Variants in OCIAD2 observed in about 807,000 individuals in gnomAD.
OCIAD2 encodes the protein OCIA domain containing 2, also known as OCIA domain-containing protein 2.
A neutral mutation model predicts 22.9 loss-of-function variants in OCIAD2; 29 were observed. That is an observed-to-expected ratio of 1.27 (90% CI 0.94 to 1.73). The LOEUF (loss-of-function observed/expected upper bound fraction) is 1.73, where lower values mean the gene tolerates loss of function less well. OCIAD2 is among the 40% of genes most tolerant of loss of function. The probability of loss-of-function intolerance (pLI) is 0.00; values close to 1 mark genes in which losing one functional copy is unlikely to be tolerated. For synonymous variants in OCIAD2, 67 were observed against 60.2 expected, an observed-to-expected ratio of 1.11 and a Z score of -0.52; for missense variants, 189 against 180.3, an observed-to-expected ratio of 1.05 and a Z score of -0.28.
intron 2 of OCIAD2, among the ~76,000 whole-genome samples, chr4:48,901,374 C>T (rs1192816931): frequency 3.9e-5 from 6 of 151,998 alleles, no homozygotes; most frequent in Admixed American, 6.6e-5. Context: ...CTTGCTAGAC[C>T]GCTCTCAATT....
chr4:48,892,157 A>C (rs1316621607), intron 6 of OCIAD2, among the ~76,000 whole-genome samples: 3 of 152,252 alleles, frequency 2.0e-5, no homozygotes, highest in African/African-American at 7.2e-5. Context: ...CTATAGTAGA[A>C]ATAGCTAATG....
intron 2 of OCIAD2, among the ~76,000 whole-genome samples, chr4:48,900,441 T>G (rs913537721): frequency 6.6e-6 from 1 of 152,174 alleles, no homozygotes; most frequent in African/African-American, 2.4e-5. Flanking sequence ...CTTTTTATTA[T>G]TTGACATAGT....
At chr4:48,893,678 T>A (rs1231657376) in intron 5 of OCIAD2, 1 of 173,552 alleles carries the variant, frequency 5.8e-6, no homozygotes, top group Non-Finnish European at 1.2e-5. Context: ...TAAGAAGAAG[T>A]CCCAACTGCT....
intron 6 of OCIAD2, among the ~76,000 whole-genome samples, chr4:48,886,797 A>T (rs1781001834): frequency 7.0e-6 from 1 of 142,458 alleles, no homozygotes; most frequent in South Asian, 2.6e-4. Context: ...GCCACAATAA[A>T]CATACGTGTG....
intron 2 of OCIAD2, among the ~76,000 whole-genome samples, chr4:48,900,485 T>A (rs547884245): frequency 3.7e-4 from 57 of 152,280 alleles, no homozygotes; most frequent in African/African-American, 1.3e-3. Flanking sequence ...CTTTTTTTTT[T>A]ACACATTTAT....
At chr4:48,904,412 G>T in intron 2 of OCIAD2, 72 bp downstream of exon 2, 1 of 1,311,410 alleles carries the variant, frequency 7.6e-7, no homozygotes, top group Non-Finnish European at 1.1e-6. Flanking sequence ...CTGCACCACT[G>T]CACTCCAGTC....
chr4:48,886,654 T>C (rs1780997716), intron 6 of OCIAD2, among the ~76,000 whole-genome samples: 1 of 152,170 alleles, frequency 6.6e-6, no homozygotes, highest in Non-Finnish European at 1.5e-5. Context: ...TCCATGTCCC[T>C]ACAAAGGACA....
chr4:48,903,840 T>G (rs1781469286), intron 2 of OCIAD2, among the ~76,000 whole-genome samples: 1 of 151,982 alleles, frequency 6.6e-6, no homozygotes, highest in South Asian at 2.1e-4. Flanking sequence ...AGAGATGGGA[T>G]TTCACTATGT....
At chr4:48,902,649 G>A (rs1781441037) in intron 2 of OCIAD2, among the ~76,000 whole-genome samples, 2 of 152,080 alleles carry the variant, frequency 1.3e-5, no homozygotes, top group African/African-American at 4.8e-5. Context: ...ATAAACAAAT[G>A]CACACACCCT....
intron 6 of OCIAD2, among the ~76,000 whole-genome samples, chr4:48,890,045 G>T (rs1212362425): frequency 6.9e-6 from 1 of 143,904 alleles, no homozygotes; most frequent in East Asian, 2.1e-4. Context: ...TCATAGGTGG[G>T]AACTGAACAA....
chr4:48,902,924 G>A (rs1176550564), intron 2 of OCIAD2, among the ~76,000 whole-genome samples: 1 of 152,050 alleles, frequency 6.6e-6, no homozygotes, highest in Non-Finnish European at 1.5e-5. Context: ...TAGCACTCTA[G>A]CCTGGATGAC....
At chr4:48,890,626 G>A (rs1444889591) in intron 6 of OCIAD2, among the ~76,000 whole-genome samples, 3 of 152,126 alleles carry the variant, frequency 2.0e-5, no homozygotes, top group African/African-American at 2.4e-5. Context: ...GCACAGGTTC[G>A]TTCTAGAATA....
intron 3 of OCIAD2, 129 bp from the exon 4 acceptor site, chr4:48,897,986 T>G: frequency 1.5e-6 from 1 of 680,472 alleles, no homozygotes; most frequent in Middle Eastern, 2.5e-4. Flanking sequence ...ATTTGTTATT[T>G]TACTTATTCA....
chr4:48,886,301 C>G (rs893647430), intron 6 of OCIAD2, among the ~76,000 whole-genome samples: 3 of 152,108 alleles, frequency 2.0e-5, no homozygotes, highest in South Asian at 2.1e-4. Context: ...TGTTTTGGTA[C>G]CAGTACCATG....
chr4:48,894,148 C>A, intron 4 of OCIAD2, 95 bp from the exon 5 acceptor site: 2 of 603,504 alleles, frequency 3.3e-6, no homozygotes, highest in Non-Finnish European at 2.5e-6. Flanking sequence ...AAAGAAACCT[C>A]CAAAATTTAA....
chr4:48,889,032 T>C (rs1006096076), intron 6 of OCIAD2, among the ~76,000 whole-genome samples: 1 of 152,240 alleles, frequency 6.6e-6, no homozygotes, highest in African/African-American at 2.4e-5. Flanking sequence ...ATTAGTCTAC[T>C]GAAGGGATTC....
chr4:48,893,028 C>T, intron 5 of OCIAD2, 139 bp from the exon 6 acceptor site: 8 of 561,378 alleles, frequency 1.4e-5, no homozygotes, highest in Non-Finnish European at 6.4e-6. Context: ...AGAATGAAGT[C>T]TCTATTTAAA....
intron 4 of OCIAD2, 65 bp from the exon 5 acceptor site, chr4:48,894,118 A>G: frequency 1.2e-6 from 1 of 848,538 alleles, no homozygotes; most frequent in Non-Finnish European, 1.7e-6. Flanking sequence ...GTTATAAATT[A>G]TAAGTTATTC....
chr4:48,892,639 G>A (rs768715843), intron 6 of OCIAD2, 133 bp downstream of exon 6: 8 of 503,818 alleles, frequency 1.6e-5, no homozygotes, highest in South Asian at 4.1e-5. Flanking sequence ...TAACAACAAC[G>A]CTAAACTTGA....
Sources: allele counts gnomAD v4.1 joint callset (sites outside exome capture counted in the v4.1 genomes callset), GRCh38; gene constraint gnomAD v4.1.1; transcripts MANE v1.5; gene names NCBI Gene and HGNC (gene_info 2026-07-23, HGNC 2026-07-21).